The following GABRG1 variants were observed in gnomAD, a reference collection of about 807,000 sequenced individuals.
GABRG1 encodes gamma-aminobutyric acid receptor subunit gamma-1.
Under a neutral mutation model 49.8 loss-of-function variants are expected in GABRG1, and 49 were observed. The observed-to-expected ratio is 0.98, with a 90% CI of 0.78 to 1.25. The LOEUF is 1.25. Ranked by LOEUF, GABRG1 falls within the 50% of genes most tolerant of loss-of-function variation. GABRG1 has a pLI of 0.00. For synonymous variants in GABRG1, 232 were observed against 185.1 expected (o/e 1.25, Z -2.06); for missense variants, 552 against 552.3 (o/e 1.00, Z 0.01).
chr4:46,036,115 A>G lies in GABRG1; in HGVS notation c.*4873T>C, dbSNP rs1002959642. ...TCAGTTATCACAGCCTTTACTATTC[A>G]CACACTCAAAGGGTCCAGGTATGTT... On this transcript the variant is annotated 3_prime_UTR_variant, in exon 9 of 9. Coordinates refer to ENST00000295452, the MANE Select transcript of GABRG1 (RefSeq NM_173536.4). The G allele has an allele frequency of 2.6e-5, 4 of 152,006 alleles. No homozygotes were observed. The highest frequency in any genetic ancestry group is 3.4e-3 in the Middle Eastern group (1 of 294). The allele number at this position is 152,006 out of a possible 1,614,324, so 9.4% of individuals were successfully genotyped here.
rs1412182468 is a variant in GABRG1 at position 46,065,405 on chromosome 4, C to G, written c.501G>C (p.Leu167=). ...DAHWITTPNR[L]LRIWNDGRVL... ...CTCGTCCATCATTCCAAATTCGAAG[C>G]AGACGATTAGGAGTTGTTATCCAGT... The change falls in exon 4 of 9, where the codon CTG becomes CTC. Residue 167 remains leucine, a synonymous_variant. Transcript: ENST00000295452. 1 of 1,613,446 alleles carries G rather than the reference C, an allele frequency of 6.2e-7. No individual in the cohort carries two copies. Among genetic ancestry groups the G allele is most frequent in the Admixed American group, 1.7e-5 (1 of 60,004 alleles).
At chr4:46,064,006 A>T (rs1448212089) in intron 5 of GABRG1, among the ~76,000 whole-genome samples, 1 of 152,112 alleles carries the variant, frequency 6.6e-6, no homozygotes, top group East Asian at 1.9e-4. Flanking sequence ...AATATTTGCT[A>T]TTCGTATGGT....
In GABRG1 at chr4:46,097,350, C is replaced by G; in HGVS notation, c.105-1G>C. ...ATCTTCATCATCTGCCTTATCAACACTAAATAATTCAAAGAAAAAAATGGA... is the reference window on the plus strand; with the variant it reads ...ATCTTCATCATCTGCCTTATCAACAGTAAATAATTCAAAGAAAAAAATGGA... On this transcript the variant is annotated splice_acceptor_variant, in intron 1 of 8. Coordinates refer to ENST00000295452, the MANE Select transcript of GABRG1 (RefSeq NM_173536.4). LOFTEE classifies it high-confidence loss of function. The G allele has an allele frequency of 6.3e-7, 1 of 1,597,966 alleles. No individual in the cohort carries two copies.
intron 1 of GABRG1, among the ~76,000 whole-genome samples, chr4:46,102,282 G>C (rs1248863174): frequency 6.6e-6 from 1 of 151,602 alleles, no homozygotes; most frequent in Non-Finnish European, 1.5e-5. Context: ...CCAGACCCAA[G>C]CTGTCTCAGG....
intron 2 of GABRG1, among the ~76,000 whole-genome samples, chr4:46,087,947 G>A (rs572650728): frequency 1.3e-5 from 2 of 152,040 alleles, no homozygotes; most frequent in South Asian, 4.1e-4. Context: ...GAAACATATG[G>A]CTGTTTAAAT....
intron 4 of GABRG1, 27 bp from the exon 5 acceptor site, chr4:46,064,550 AATAAAG>A (rs754663643): frequency 4.9e-5 from 55 of 1,129,346 alleles, no homozygotes; most frequent in Non-Finnish European, 4.2e-5. Context: ...AAAAGTATTA[AATAAAG>A]ATAAATAATT....
Position 46,083,977 on chromosome 4 carries a change from C to G in GABRG1, c.321+9G>C. ...GTGGCAGTTATTATTTTTAATATTT[C>G]TTACTTACCATATTAATTGGATCAA... On this transcript the variant is annotated intron_variant, in intron 3 of 8. Transcript: ENST00000295452. 1 of 1,453,676 alleles carries G rather than the reference C, an allele frequency of 6.9e-7. No homozygotes were observed. The highest frequency in any genetic ancestry group is 9.6e-7 in the Non-Finnish European group (1 of 1,046,918). The allele number at this position is 1,453,676 out of a possible 1,614,324, so 90.0% of individuals were successfully genotyped here. A position where few individuals can be genotyped will look rare whatever the true frequency, so the allele number is the denominator to read the frequency against.
At chr4:46,117,646 ATATATATG>A (rs1720947807) in intron 1 of GABRG1, among the ~76,000 whole-genome samples, 1 of 144,732 alleles carries the variant, frequency 6.9e-6, no homozygotes, top group Non-Finnish European at 1.5e-5. Flanking sequence ...ACATATATAC[ATATATATG>A]TATATACGTA....
At chr4:46,062,485 C>A (rs570328420) in intron 5 of GABRG1, among the ~76,000 whole-genome samples, 1 of 152,260 alleles carries the variant, frequency 6.6e-6, no homozygotes, top group East Asian at 1.9e-4. Flanking sequence ...AGTTTACTGT[C>A]CCACCAACAG....
Position 46,040,866 on chromosome 4 carries a change from A to G in GABRG1, c.*122T>C. On this transcript the variant is annotated 3_prime_UTR_variant, in exon 9 of 9. Coordinates refer to ENST00000295452, the MANE Select transcript of GABRG1 (RefSeq NM_173536.4). ...CTGAAGGCCTTAAAATAGTTACAAT[A>G]CTATTCACATTTTAACCATTGGTCT... is the stretch of plus-strand genomic sequence containing the variant. 1 of 1,020,846 alleles carries G rather than the reference A, an allele frequency of 9.8e-7. No individual in the cohort carries two copies. Among genetic ancestry groups the G allele is most frequent in the Non-Finnish European group, 1.4e-6 (1 of 698,576 alleles). 63.2% of individuals were successfully genotyped at this position (1,020,846 alleles called of 1,614,324 possible). A position where few individuals can be genotyped will look rare whatever the true frequency, so the allele number is the denominator to read the frequency against.
At chr4:46,067,752 C>G (rs573218967) in intron 3 of GABRG1, among the ~76,000 whole-genome samples, 1 of 152,222 alleles carries the variant, frequency 6.6e-6, no homozygotes, top group Admixed American at 6.5e-5. Context: ...AAAGCACAGG[C>G]TGAGTCATAA....
At chr4:46,098,895 C>T (rs1418834614) in intron 1 of GABRG1, among the ~76,000 whole-genome samples, 1 of 151,504 alleles carries the variant, frequency 6.6e-6, no homozygotes, top group Non-Finnish European at 1.5e-5. Context: ...ACATTGCCCT[C>T]TATTTTGCTT....
intron 1 of GABRG1, among the ~76,000 whole-genome samples, chr4:46,122,468 A>G (rs1721116627): frequency 6.6e-6 from 1 of 152,056 alleles, no homozygotes; most frequent in South Asian, 2.1e-4. Flanking sequence ...TATATACAAG[A>G]AATAATTCAT....
intron 3 of GABRG1, among the ~76,000 whole-genome samples, chr4:46,077,347 C>T (rs1429429970): frequency 1.3e-5 from 2 of 151,698 alleles, no homozygotes; most frequent in Admixed American, 1.3e-4. Flanking sequence ...TAGTATAACA[C>T]ATAGAAAAAC....
intron 8 of GABRG1, among the ~76,000 whole-genome samples, chr4:46,044,368 C>G (rs1213696710): frequency 6.6e-6 from 1 of 151,734 alleles, no homozygotes; most frequent in East Asian, 1.9e-4. Flanking sequence ...GCAATCCCAG[C>G]TATTTGGGAG....
chr4:46,088,803 GTTTGTGTGTGTT>G (rs1321584921), intron 2 of GABRG1, among the ~76,000 whole-genome samples: 6 of 145,880 alleles, frequency 4.1e-5, no homozygotes, highest in African/African-American at 1.3e-4. Flanking sequence ...GTGTGTGTGT[GTTTGTGTGTGTT>G]TGTGTGTGTG....
Position 46,113,059 on chromosome 4 carries a change from G to A in GABRG1, c.104+10751C>T, listed in dbSNP as rs186087139. 1.4e-4 allele frequency among the ~76,000 whole-genome samples: 21 copies of A among 151,180 alleles called. No individual in the cohort carries two copies. In the South Asian group the frequency reaches 1.5e-3, roughly 10 times the overall value. ...TGACTGAAAGCTTCACTCACTTATA[G>A]TATTTGTTCAAATATTATTTAATCA... On this transcript the variant is annotated intron_variant, in intron 1 of 8. Coordinates refer to ENST00000295452, the MANE Select transcript of GABRG1 (RefSeq NM_173536.4).
chr4:46,082,751 TATC>T (rs1719622313), intron 3 of GABRG1, among the ~76,000 whole-genome samples: 1 of 151,832 alleles, frequency 6.6e-6, no homozygotes, highest in Non-Finnish European at 1.5e-5. Flanking sequence ...GATTTTATAA[TATC>T]ATCTTCTCTC....
intron 2 of GABRG1, among the ~76,000 whole-genome samples, chr4:46,096,405 A>G (rs547343471): frequency 1.3e-5 from 2 of 151,744 alleles, no homozygotes; most frequent in South Asian, 2.1e-4. Context: ...GGAAGCTTCC[A>G]AAATACTAAA....
Sources: gnomAD v4.1 joint callset for allele counts (sites outside exome capture counted in the v4.1 genomes callset) on GRCh38, gnomAD v4.1.1 for gene constraint, MANE v1.5 for transcripts, NCBI Gene and HGNC (gene_info 2026-07-23, HGNC 2026-07-21) for gene names.